Variants in CRELD2 observed in about 807,000 individuals in gnomAD.
CRELD2 encodes the protein CRELD disulfide isomerase 2, also known as protein disulfide isomerase CRELD2.
Under a neutral mutation model 48.1 loss-of-function variants are expected in CRELD2, and 33 were observed. That is an observed-to-expected ratio of 0.69 (90% CI 0.52 to 0.92). The LOEUF is 0.92. CRELD2 is among the 40% of genes least tolerant of loss of function. The pLI, the probability that CRELD2 is intolerant of heterozygous loss-of-function variation, is 0.00. For synonymous variants in CRELD2, 220 were observed against 203.9 expected, an observed-to-expected ratio of 1.08 and a Z score of -0.67; for missense variants, 477 against 482.4, an observed-to-expected ratio of 0.99 and a Z score of 0.10.
In CRELD2 at chr22:49,922,683, G is replaced by T. The variant is rs1414142108; in HGVS notation, c.664G>T (p.Val222Leu). Residue 222 changes from valine (V) to leucine (L), a missense_variant, in exon 6 of 10, where the codon GTG (valine) becomes TTG (leucine). Transcript: ENST00000328268. ...CTGCGGCGAGTGTGAAGTGGGCTGG[G>T]TGCTGGACGAGGGCGCCTGTGTGGG... ...RDCGECEVGW[V>L]LDEGACVDVD... 1 of 1,556,616 alleles carries T rather than the reference G, an allele frequency of 6.4e-7. No homozygotes were observed. Among genetic ancestry groups the T allele is most frequent in the Non-Finnish European group, 8.7e-7 (1 of 1,152,602 alleles).
Position 49,925,494 on chromosome 22 carries a change from G to A in CRELD2, c.946G>A (p.Val316Ile), listed in dbSNP as rs147071725. Residue 316 changes from valine to isoleucine, a missense_variant, in exon 9 of 10, where the codon GTC becomes ATC. Coordinates refer to ENST00000328268, the MANE Select transcript of CRELD2 (RefSeq NM_024324.5). Reference sequence around the variant, plus strand: ...CTGCTACAATACTCCAGGGAGCTACGTCTGTGTGTGTCCTGACGGCTTCGA... The same window carrying A: ...CTGCTACAATACTCCAGGGAGCTACATCTGTGTGTGTCCTGACGGCTTCGA... ...ENCYNTPGSY[V>I]CVCPDGFEET... The A allele has an allele frequency of 2.3e-5, 37 of 1,613,916 alleles. No homozygotes were observed. The highest frequency in any genetic ancestry group is 5.3e-5 in the African/African-American group (4 of 74,940).
chr22:49,924,291 G>A, intron 7 of CRELD2, 69 bp from the exon 8 acceptor site: 1 of 1,126,856 alleles, frequency 8.9e-7, no homozygotes, highest in Non-Finnish European at 1.3e-6. Context: ...GGTGCCTTGT[G>A]CATGTCGGGG....
rs1223558619 is a variant in CRELD2 at position 49,918,888 on chromosome 22, AG to A, written c.120del (p.Lys40AsnfsTer55). The A allele has an allele frequency of 2.2e-5, 29 of 1,312,174 alleles. No homozygotes were observed. The highest frequency in any genetic ancestry group is 2.7e-5 in the Non-Finnish European group (28 of 1,032,572). The allele number at this position is 1,312,174 out of a possible 1,614,324, so 81.3% of individuals were successfully genotyped here. On this transcript the variant is annotated frameshift_variant, in exon 1 of 10. Coordinates refer to ENST00000328268, the MANE Select transcript of CRELD2 (RefSeq NM_024324.5). LOFTEE classifies it high-confidence loss of function. ...CACCGGTGCCGGGGGCTGGTGGACA[AG>A]TTTAACCAGGTGGGAAGGGGCCGGG... The part of the protein sequence containing the change: ...PCHRCRGLVD[K>X]FNQGMVDTAK...
In CRELD2 at chr22:49,921,658, CG is replaced by C; in HGVS notation, c.492del (p.Ser165ProfsTer45). 6.2e-7 allele frequency: 1 copy of C among 1,612,776 alleles called. No individual in the cohort carries two copies. The highest frequency in any genetic ancestry group is 8.5e-7 in the Non-Finnish European group (1 of 1,179,954). ...CSGDGSRQGD[G>X]SCRCHMGYQG... ...GCGGAGATGGGAGCAGACAGGGCGA[CG>C]GGTCCTGCCGGTGCCACATGGGGTA... On this transcript the variant is annotated frameshift_variant, in exon 5 of 10. Coordinates refer to ENST00000328268, the MANE Select transcript of CRELD2 (RefSeq NM_024324.5). LOFTEE classifies it high-confidence loss of function.
At chr22:49,924,039 G>A (rs9616212) in intron 7 of CRELD2, 62,819 of 258,620 alleles carry the variant, frequency 0.24, 9,480 homozygotes, top group African/African-American at 0.48. Context: ...GTTATTCTTA[G>A]GAAGCTCCTG....
Position 49,920,236 on chromosome 22 carries a change from C to T in CRELD2, c.404C>T (p.Pro135Leu). ...TGCTGCTCTCCAGGAACCTACGGTCCCGACTGTCTCGGTGCGTTTCTCCTC... is the reference window on the plus strand; with the variant it reads ...TGCTGCTCTCCAGGAACCTACGGTCTCGACTGTCTCGGTGCGTTTCTCCTC... ...KVCCSPGTYGPDCLACQGGSQ... is the reference protein window; with the variant it reads ...KVCCSPGTYGLDCLACQGGSQ... The change falls in exon 4 of 10, where the codon CCC (proline) becomes CTC (leucine). Residue 135 changes from proline (P) to leucine (L), a missense_variant. Pro to Leu is a moderately conservative substitution (Grantham distance 98). Transcript: ENST00000328268. 6.2e-7 allele frequency: 1 copy of T among 1,609,874 alleles called. No homozygotes were observed. Among genetic ancestry groups the T allele is most frequent in the Non-Finnish European group, 8.5e-7 (1 of 1,176,832 alleles).
intron 4 of CRELD2, chr22:49,921,270 A>AT (rs1281280841): frequency 4.9e-5 from 17 of 347,006 alleles, no homozygotes; most frequent in Non-Finnish European, 7.9e-5. Flanking sequence ...TCACTAGGCA[A>AT]TAAGAGCCGC....
At chr22:49,924,312 A>G in intron 7 of CRELD2, 48 bp from the exon 8 acceptor site, 3 of 1,425,942 alleles carry the variant, frequency 2.1e-6, no homozygotes, top group Non-Finnish European at 2.9e-6. Flanking sequence ...TCTGACGGGC[A>G]CTGGTGCCTT....
intron 6 of CRELD2, among the ~76,000 whole-genome samples, chr22:49,922,915 G>GAGGCTT (rs2060715244): frequency 2.5e-5 from 2 of 81,462 alleles, no homozygotes; most frequent in African/African-American, 1.3e-4. Flanking sequence ...CGTGAGGTGT[G>GAGGCTT]GGGGCGTGAG....
chr22:49,923,888 C>G (rs556866024), intron 7 of CRELD2: 43 of 246,808 alleles, frequency 1.7e-4, no homozygotes, highest in African/African-American at 1.0e-3. Context: ...AAAAGTTGTG[C>G]TGATCCCCAG....
intron 5 of CRELD2, 171 bp from the exon 6 acceptor site, chr22:49,922,441 C>T (rs1270507997): frequency 6.3e-7 from 1 of 1,584,668 alleles, no homozygotes; most frequent in East Asian, 2.3e-5. Flanking sequence ...GCCTTCTCTC[C>T]AGGTTATTAA....
intron 7 of CRELD2, chr22:49,923,572 C>G (rs567776260): frequency 2.7e-4 from 160 of 589,836 alleles, no homozygotes; most frequent in East Asian, 2.6e-3. Flanking sequence ...GCTCGTGCCC[C>G]CCCAGCGCCC....
intron 9 of CRELD2, chr22:49,925,884 C>T (rs1387356536): frequency 1.1e-5 from 6 of 531,074 alleles, no homozygotes; most frequent in South Asian, 3.3e-5. Context: ...AAAAGTCATC[C>T]GGGGAAGCTG....
In CRELD2 at chr22:49,924,974, A is replaced by G. The variant is rs189862150; in HGVS notation, c.869-443A>G. ...GTGAAACCCCATCTCTACTAAAAAT[A>G]CAAAAAATTAGTCGGGCGTGGTGGC... is the stretch of plus-strand genomic sequence containing the variant. On this transcript the variant is annotated intron_variant, in intron 8 of 9. Transcript: ENST00000328268. 42 of 161,558 alleles carry G rather than the reference A, an allele frequency of 2.6e-4. No homozygotes were observed. The East Asian group carries it at 7.4e-3, about 29-fold the overall frequency. 10.0% of individuals were successfully genotyped at this position (161,558 alleles called of 1,614,324 possible). A position where few individuals can be genotyped will look rare whatever the true frequency, so the allele number is the denominator to read the frequency against.
At chr22:49,922,126 G>C in intron 5 of CRELD2, 1 of 754,420 alleles carries the variant, frequency 1.3e-6, no homozygotes. Context: ...GTTATGAGTG[G>C]CATCTTTCCA....
intron 4 of CRELD2, 137 bp downstream of exon 4, chr22:49,920,384 G>A: frequency 1.6e-6 from 1 of 615,108 alleles, no homozygotes; most frequent in Non-Finnish European, 2.9e-6. Context: ...CCGGATGGCT[G>A]CCTCCCCCAT....
In CRELD2 at chr22:49,925,402, G is replaced by A. The variant is rs762034316; in HGVS notation, c.869-15G>A. 1.2e-5 allele frequency: 18 copies of A among 1,522,714 alleles called. No homozygotes were observed. The highest frequency in any genetic ancestry group is 3.4e-4 in the Middle Eastern group (2 of 5,900). The allele number at this position is 1,522,714 out of a possible 1,614,324, so 94.3% of individuals were successfully genotyped here. A position where few individuals can be genotyped will look rare whatever the true frequency, so the allele number is the denominator to read the frequency against. ...TGAGCAAAGTAATTATTAAAACGGA[G>A]TCTTTTCATTTTAGATGTGGACGAG... On this transcript the variant is annotated splice_polypyrimidine_tract_variant and intron_variant, in intron 8 of 9. Transcript: ENST00000328268.
At chr22:49,927,221 T>TC (rs752469528) in intron 9 of CRELD2, 34 bp from the exon 10 acceptor site, 2 of 1,605,016 alleles carry the variant, frequency 1.2e-6, no homozygotes, top group South Asian at 2.2e-5. Flanking sequence ...CCCTTTGTGC[T>TC]CAGCCTTGAC....
intron 1 of CRELD2, 46 bp from the exon 2 acceptor site, chr22:49,919,184 C>T (rs1422793531): frequency 6.3e-7 from 1 of 1,590,666 alleles, no homozygotes; most frequent in Non-Finnish European, 8.6e-7. Flanking sequence ...CCACCCTGGA[C>T]CCGGGTCAGG....
Sources: allele counts gnomAD v4.1 joint callset (sites outside exome capture counted in the v4.1 genomes callset), GRCh38; gene constraint gnomAD v4.1.1; transcripts MANE v1.5; gene names NCBI Gene and HGNC (gene_info 2026-07-23, HGNC 2026-07-21).